XYLT2: variants seen among roughly 807,000 people sequenced by gnomAD.
XYLT2 encodes UDP-D-xylose:proteoglycan core protein beta-D-xylosyltransferase.
In XYLT2, 37 loss-of-function variants were observed where a neutral mutation model predicts 82.6. The observed-to-expected ratio is 0.45, with a 90% CI of 0.34 to 0.59. XYLT2 has a LOEUF of 0.59. XYLT2 is among the 20% of genes least tolerant of loss of function. The pLI is 0.01. For missense variants in XYLT2, 934 were observed against 1,181.3 expected (o/e 0.79, Z 3.07); for synonymous variants, 474 against 499.0 (o/e 0.95, Z 0.67).
rs1246172413 is a variant in XYLT2 at position 50,360,663 on chromosome 17, C to G, written c.*372C>G. Reference sequence around the variant, plus strand: ...ATGTGCAATAGGGCTCAGAGCAGCCCCAGGAAGTGGGCCATGTCTGTGGGG... The same window carrying G: ...ATGTGCAATAGGGCTCAGAGCAGCCGCAGGAAGTGGGCCATGTCTGTGGGG... On this transcript the variant is annotated 3_prime_UTR_variant, in exon 11 of 11. Transcript: ENST00000017003. 2.0e-6 allele frequency: 2 copies of G among 1,007,778 alleles called. No individual in the cohort carries two copies. The highest frequency in any genetic ancestry group is 1.7e-5 in the African/African-American group (1 of 57,748). 62.4% of individuals were successfully genotyped at this position (1,007,778 alleles called of 1,614,324 possible).
rs149455429 is a variant in XYLT2 at position 50,360,117 on chromosome 17, C to T, written c.2424C>T (p.Leu808=). 6.1e-5 allele frequency: 99 copies of T among 1,613,830 alleles called. No homozygotes were observed. The highest frequency in any genetic ancestry group is 5.0e-4 in the Admixed American group (30 of 60,004). Residue 808 remains leucine, a synonymous_variant, in exon 11 of 11, where the codon CTC becomes CTT. Transcript: ENST00000017003. ...QRHTQLTGPA[L]EAWTDRELSS... is the part of the protein sequence containing the mutation. ...ACACACAGCTCACAGGCCCTGCGCTCGAGGCCTGGACAGACAGGGAACTGA... is the reference window on the plus strand; with the variant it reads ...ACACACAGCTCACAGGCCCTGCGCTTGAGGCCTGGACAGACAGGGAACTGA...
At chr17:50,353,078 G>A (rs1912337526) in intron 1 of XYLT2, among the ~76,000 whole-genome samples, 1 of 152,194 alleles carries the variant, frequency 6.6e-6, no homozygotes, top group Non-Finnish European at 1.5e-5. Context: ...GAGGACCTAA[G>A]CAGTATTGGG....
intron 2 of XYLT2, 103 bp from the exon 3 acceptor site, chr17:50,354,305 C>A: frequency 6.7e-7 from 1 of 1,501,816 alleles, no homozygotes; most frequent in Non-Finnish European, 8.9e-7. Context: ...GCATGGAGCT[C>A]CAAGTCTAGG....
At position 50,353,844 on chromosome 17, in the gene XYLT2, C is replaced by T. The variant is rs749424921; in HGVS notation, c.350C>T (p.Ala117Val). The change falls in exon 2 of 11, where the codon GCC becomes GTC. Residue 117 changes from alanine (A) to valine (V), a missense_variant. Coordinates refer to ENST00000017003, the MANE Select transcript of XYLT2 (RefSeq NM_022167.4). ...GTCCCACCTGCCCCACCCCCGGAAGCCCCAGGCCGCCAGAACCTGAGTGGG... is the reference window on the plus strand; with the variant it reads ...GTCCCACCTGCCCCACCCCCGGAAGTCCCAGGCCGCCAGAACCTGAGTGGG... ...RRVPPAPPPE[A>V]PGRQNLSGAA... The T allele has an allele frequency of 5.6e-6, 9 of 1,601,440 alleles. No homozygotes were observed. In the African/African-American group the frequency reaches 1.1e-4, roughly 19 times the overall value.
chr17:50,351,245 A>G (rs1912257933), intron 1 of XYLT2, among the ~76,000 whole-genome samples: 2 of 152,210 alleles, frequency 1.3e-5, no homozygotes, highest in African/African-American at 4.8e-5. Flanking sequence ...ATAGTGAGGG[A>G]GGTGTTGAGA....
intron 4 of XYLT2, 72 bp downstream of exon 4, chr17:50,355,128 T>C: frequency 6.9e-7 from 1 of 1,448,080 alleles, no homozygotes; most frequent in East Asian, 2.3e-5. Flanking sequence ...TTGGAGGGCT[T>C]TGGTGGACCT....
chr17:50,356,033 C>T (rs535550935), intron 6 of XYLT2, 36 bp downstream of exon 6: 54 of 1,614,014 alleles, frequency 3.3e-5, no homozygotes, highest in Admixed American at 2.0e-4. Flanking sequence ...CCAGGGAGGG[C>T]GTGGGTTGGG....
In XYLT2 at chr17:50,346,587, G is replaced by T; in HGVS notation, c.135+312G>T. 1.1e-5 allele frequency: 11 copies of T among 983,418 alleles called. No individual in the cohort carries two copies. Among genetic ancestry groups the T allele is most frequent in the African/African-American group, 1.7e-5 (1 of 57,334 alleles). The allele number at this position is 983,418 out of a possible 1,614,324, so 60.9% of individuals were successfully genotyped here. The stretch of plus-strand genomic sequence containing the variant: ...CGATGAAGGTCAGGCGCGGCGAGCG[G>T]GGCTGGGAGGCGGGGCTGGGCCCGA... On this transcript the variant is annotated intron_variant, in intron 1 of 10. Coordinates refer to ENST00000017003, the MANE Select transcript of XYLT2 (RefSeq NM_022167.4). This position sits in a 1 kb window ranked among gnomAD's most constrained non-coding sequence, Gnocchi z 5.1.
At chr17:50,351,942 C>A (rs1912288584) in intron 1 of XYLT2, among the ~76,000 whole-genome samples, 1 of 152,078 alleles carries the variant, frequency 6.6e-6, no homozygotes, top group Non-Finnish European at 1.5e-5. Context: ...ACAGGAAGGG[C>A]CCCCAGATGT....
Position 50,346,338 on chromosome 17 carries a change from C to A in XYLT2, c.135+63C>A. On this transcript the variant is annotated intron_variant, in intron 1 of 10. Transcript: ENST00000017003. The surrounding 1 kb of genome is among the most constrained non-coding windows in gnomAD (Gnocchi z 5.1). ...GGGGGCGCGCGGGGTCCTGGCGGGG[C>A]TGCGGGCGGCCCCAGCCGGGGAAGT... is the stretch of plus-strand genomic sequence containing the variant. 2.0e-6 allele frequency: 2 copies of A among 1,002,506 alleles called. No individual in the cohort carries two copies. Among genetic ancestry groups the A allele is most frequent in the Non-Finnish European group, 2.4e-6 (2 of 842,512 alleles). The allele number at this position is 1,002,506 out of a possible 1,614,324, so 62.1% of individuals were successfully genotyped here.
chr17:50,355,091 A>C, intron 4 of XYLT2, 35 bp downstream of exon 4: 1 of 1,515,922 alleles, frequency 6.6e-7, no homozygotes, highest in Admixed American at 2.3e-5. Context: ...TCTGCATGGG[A>C]GGGGACCCCT....
chr17:50,346,589 G>T lies in XYLT2; in HGVS notation c.135+314G>T. 1 of 983,622 alleles carries T rather than the reference G, an allele frequency of 1.0e-6. No homozygotes were observed. Among genetic ancestry groups the T allele is most frequent in the Non-Finnish European group, 1.2e-6 (1 of 828,286 alleles). The allele number at this position is 983,622 out of a possible 1,614,324, so 60.9% of individuals were successfully genotyped here. A position where few individuals can be genotyped will look rare whatever the true frequency, so the allele number is the denominator to read the frequency against. On this transcript the variant is annotated intron_variant, in intron 1 of 10. Transcript: ENST00000017003. This position sits in a 1 kb window ranked among gnomAD's most constrained non-coding sequence, Gnocchi z 5.1. ...ATGAAGGTCAGGCGCGGCGAGCGGGGCTGGGAGGCGGGGCTGGGCCCGAAC... is the reference window on the plus strand; with the variant it reads ...ATGAAGGTCAGGCGCGGCGAGCGGGTCTGGGAGGCGGGGCTGGGCCCGAAC...
At position 50,360,309 on chromosome 17, in the gene XYLT2, C is replaced by A; in HGVS notation, c.*18C>A. The A allele has an allele frequency of 1.3e-6, 2 of 1,561,414 alleles. No homozygotes were observed. Among genetic ancestry groups the A allele is most frequent in the Non-Finnish European group, 1.7e-6 (2 of 1,152,156 alleles). ...TCAGGTAGCAGGGCCCCAGCCAGTA[C>A]CCGTGGAGGACCCGGGAAATTGCAC... On this transcript the variant is annotated 3_prime_UTR_variant, in exon 11 of 11. Coordinates refer to ENST00000017003, the MANE Select transcript of XYLT2 (RefSeq NM_022167.4).
In XYLT2 at chr17:50,360,707, C is replaced by T. The variant is rs574270654; in HGVS notation, c.*416C>T. 1.9e-5 allele frequency: 19 copies of T among 992,874 alleles called. No individual in the cohort carries two copies. The highest frequency in any genetic ancestry group is 2.3e-5 in the Non-Finnish European group (19 of 835,190). 61.5% of individuals were successfully genotyped at this position (992,874 alleles called of 1,614,324 possible). ...TGTGGGGAGCAGGGGCTTGCTGAGC[C>T]CACCTGCTATTGTTCTGCACGAGGC... On this transcript the variant is annotated 3_prime_UTR_variant, in exon 11 of 11. Coordinates refer to ENST00000017003, the MANE Select transcript of XYLT2 (RefSeq NM_022167.4).
chr17:50,359,858 C>T, intron 10 of XYLT2, 111 bp from the exon 11 acceptor site: 1 of 961,022 alleles, frequency 1.0e-6, no homozygotes, highest in South Asian at 1.7e-5. Context: ...CAAGCTGTGA[C>T]TCAGAAGTAG....
intron 3 of XYLT2, 61 bp downstream of exon 3, chr17:50,354,644 A>C: frequency 6.4e-7 from 1 of 1,558,074 alleles, no homozygotes; most frequent in Non-Finnish European, 8.7e-7. Flanking sequence ...AGAAGGTTGC[A>C]GACAGACAGA....
intron 10 of XYLT2, 65 bp from the exon 11 acceptor site, chr17:50,359,904 C>A: frequency 1.4e-6 from 2 of 1,416,078 alleles, no homozygotes; most frequent in South Asian, 2.8e-5. Flanking sequence ...AGACCCAACT[C>A]CTGGGTCTGG....
chr17:50,354,102 C>T lies in XYLT2; in HGVS notation c.608C>T (p.Pro203Leu), dbSNP rs775422344. 30 of 1,604,954 alleles carry T rather than the reference C, an allele frequency of 1.9e-5. No homozygotes were observed. The South Asian group carries it at 3.2e-4, about 17-fold the overall frequency. ...GGGAGCCTCATGCCCAAGGCTGTGC[C>T]CCGGCACTGTCAGCTGACTGGTGAG... is the stretch of plus-strand genomic sequence containing the variant. Reference protein sequence around the residue: ...QAGSLMPKAVPRHCQLTGKMS... With the variant: ...QAGSLMPKAVLRHCQLTGKMS... The change falls in exon 2 of 11, where the codon CCC becomes CTC. Residue 203 changes from proline to leucine, a missense_variant. Coordinates refer to ENST00000017003, the MANE Select transcript of XYLT2 (RefSeq NM_022167.4).
chr17:50,346,413 C>A lies in XYLT2; in HGVS notation c.135+138C>A. The A allele has an allele frequency of 2.1e-6, 2 of 945,840 alleles. No homozygotes were observed. The highest frequency in any genetic ancestry group is 2.5e-6 in the Non-Finnish European group (2 of 793,158). 58.6% of individuals were successfully genotyped at this position (945,840 alleles called of 1,614,324 possible). On this transcript the variant is annotated intron_variant, in intron 1 of 10. Transcript: ENST00000017003. This position sits in a 1 kb window ranked among gnomAD's most constrained non-coding sequence, Gnocchi z 5.1. Reference sequence around the variant, plus strand: ...GCGGGGCGCCGGCGGTCGCCCAGAGCGGAGCATCCGGCCCCCGGCACTCCC... The same window carrying A: ...GCGGGGCGCCGGCGGTCGCCCAGAGAGGAGCATCCGGCCCCCGGCACTCCC...
Sources: gnomAD v4.1 joint callset for allele counts (sites outside exome capture counted in the v4.1 genomes callset) on GRCh38, gnomAD v4.1.1 for gene constraint, Gnocchi (gnomAD v3.1) non-coding constraint, MANE v1.5 for transcripts, NCBI Gene and HGNC (gene_info 2026-07-23, HGNC 2026-07-21) for gene names.